Variants in CDK14 observed in about 807,000 individuals in gnomAD.
CDK14 encodes the protein cyclin dependent kinase 14, also known as cyclin-dependent kinase 14.
Under a neutral mutation model 60.7 loss-of-function variants are expected in CDK14, and 34 were observed. The observed-to-expected ratio is 0.56, with a 90% CI of 0.43 to 0.75. The LOEUF is 0.75. Among genes scored for constraint, CDK14 ranks in the 30% least tolerant of loss-of-function variants. The pLI is 0.00. For synonymous variants in CDK14, 197 were observed against 203.7 expected (o/e 0.97, Z 0.28); for missense variants, 482 against 564.1 (o/e 0.85, Z 1.47).
chr7:91,092,884 A>G (rs1371112618), intron 12 of CDK14, among the ~76,000 whole-genome samples: 1 of 152,216 alleles, frequency 6.6e-6, no homozygotes, highest in Admixed American at 6.5e-5. Context: ...GATCTTTTTG[A>G]AAGAATATCC....
chr7:90,905,939 T>C (rs1323861437), intron 7 of CDK14, among the ~76,000 whole-genome samples: 1 of 152,170 alleles, frequency 6.6e-6, no homozygotes, highest in Non-Finnish European at 1.5e-5. Flanking sequence ...TTGGTTTCTA[T>C]GGGAGGCCAC....
At chr7:91,104,605 A>G (rs1584065063) in intron 12 of CDK14, among the ~76,000 whole-genome samples, 1 of 150,774 alleles carries the variant, frequency 6.6e-6, no homozygotes. Context: ...AACCTCTCTC[A>G]CCCTCCCTCC....
At chr7:91,055,114 A>T (rs1797511747) in intron 11 of CDK14, among the ~76,000 whole-genome samples, 1 of 152,180 alleles carries the variant, frequency 6.6e-6, no homozygotes, top group Non-Finnish European at 1.5e-5. Context: ...CAGGGAAATT[A>T]TTCTCCTACC....
At chr7:90,641,904 A>T (rs1011261215) in intron 2 of CDK14, among the ~76,000 whole-genome samples, 1 of 152,206 alleles carries the variant, frequency 6.6e-6, no homozygotes, top group Non-Finnish European at 1.5e-5. Context: ...GGTGAAAGGC[A>T]CATCTCACAT....
intron 2 of CDK14, among the ~76,000 whole-genome samples, chr7:90,659,871 CTCTCTGTGTG>C (rs1800830896): frequency 6.9e-6 from 1 of 144,362 alleles, no homozygotes; most frequent in Admixed American, 7.0e-5. Flanking sequence ...CTCTCTCTCT[CTCTCTGTGTG>C]TGTGTGTGTG....
intron 2 of CDK14, among the ~76,000 whole-genome samples, chr7:90,680,867 G>C (rs73707456): frequency 0.013 from 1,936 of 152,226 alleles, 38 homozygotes; most frequent in African/African-American, 0.043. Context: ...CACTTTTAAT[G>C]GTTTGAAACT....
At chr7:90,818,632 TA>T (rs1302189847) in intron 5 of CDK14, among the ~76,000 whole-genome samples, 1 of 152,132 alleles carries the variant, frequency 6.6e-6, no homozygotes, top group Non-Finnish European at 1.5e-5. Flanking sequence ...AAAAATGAAG[TA>T]AAAAATATTC....
intron 13 of CDK14, among the ~76,000 whole-genome samples, chr7:91,117,302 C>T (rs809132): frequency 0.36 from 55,004 of 150,754 alleles, 12,793 homozygotes; most frequent in Non-Finnish European, 0.53. Flanking sequence ...TCACGCACGC[C>T]ACTCCTCACT....
At chr7:91,046,175 A>G (rs1314451730) in intron 11 of CDK14, among the ~76,000 whole-genome samples, 6 of 152,048 alleles carry the variant, frequency 3.9e-5, no homozygotes, top group Admixed American at 1.3e-4. Context: ...CACCATATAT[A>G]CTTTATTTTA....
intron 5 of CDK14, among the ~76,000 whole-genome samples, chr7:90,837,092 G>C (rs902231078): frequency 6.6e-6 from 1 of 152,100 alleles, no homozygotes; most frequent in African/African-American, 2.4e-5. Flanking sequence ...CTCCAGAGTA[G>C]GAGTTAGTTT....
intron 14 of CDK14, among the ~76,000 whole-genome samples, chr7:91,183,306 C>A (rs1802062820): frequency 6.6e-6 from 1 of 152,196 alleles, no homozygotes; most frequent in Admixed American, 6.5e-5. Flanking sequence ...TGCACATAGA[C>A]CAGCCACTGC....
chr7:91,067,171 A>G (rs1240264282), intron 11 of CDK14, among the ~76,000 whole-genome samples: 1 of 152,224 alleles, frequency 6.6e-6, no homozygotes, highest in Non-Finnish European at 1.5e-5. Flanking sequence ...TGGGGCACCA[A>G]TTTTAACACC....
At chr7:90,622,513 G>GT in intron 2 of CDK14, among the ~76,000 whole-genome samples, 1 of 152,310 alleles carries the variant, frequency 6.6e-6, no homozygotes, top group Middle Eastern at 3.4e-3. Context: ...CTGAGCACAT[G>GT]TTTTGGGGTT....
chr7:90,699,143 A>G (rs1217326608), intron 2 of CDK14, among the ~76,000 whole-genome samples: 1 of 152,236 alleles, frequency 6.6e-6, no homozygotes, highest in Non-Finnish European at 1.5e-5. Flanking sequence ...AATACTGGAG[A>G]AGAATTGACA....
intron 14 of CDK14, among the ~76,000 whole-genome samples, chr7:91,170,445 T>G (rs972265960): frequency 2.0e-5 from 3 of 152,184 alleles, no homozygotes; most frequent in Non-Finnish European, 4.4e-5. Flanking sequence ...TCAATGTGGG[T>G]GTGTGTAATA....
At chr7:90,845,215 C>A (rs1320875986) in intron 5 of CDK14, among the ~76,000 whole-genome samples, 6 of 152,068 alleles carry the variant, frequency 3.9e-5, no homozygotes, top group Admixed American at 3.9e-4. Flanking sequence ...TGAATGAGTT[C>A]TCTTAACTCA....
chr7:90,774,729 GCTTAAAATTGTGGTTATAA>G (rs1383299550), intron 4 of CDK14, among the ~76,000 whole-genome samples: 1 of 152,046 alleles, frequency 6.6e-6, no homozygotes, highest in African/African-American at 2.4e-5. Context: ...GAAAATACTC[GCTTAAAATTGTGGTTATAA>G]CTTAAACTTC....
chr7:90,904,960 A>C (rs1006945943), intron 7 of CDK14, among the ~76,000 whole-genome samples: 6 of 152,194 alleles, frequency 3.9e-5, no homozygotes, highest in Non-Finnish European at 7.4e-5. Flanking sequence ...GCAAACTGTC[A>C]GTGAAGTATG....
chr7:90,742,526 A>G (rs1683886469), intron 3 of CDK14, among the ~76,000 whole-genome samples: 1 of 151,948 alleles, frequency 6.6e-6, no homozygotes, highest in African/African-American at 2.4e-5. Flanking sequence ...ATTTGGTTTT[A>G]TTAATCATGT....
Sources: allele counts gnomAD v4.1 joint callset (sites outside exome capture counted in the v4.1 genomes callset), GRCh38; gene constraint gnomAD v4.1.1; transcripts MANE v1.5; gene names NCBI Gene and HGNC (gene_info 2026-07-23, HGNC 2026-07-21).